The following BCAS3 variants were observed in gnomAD, a reference collection of about 807,000 sequenced individuals.
BCAS3 encodes the protein BCAS4/BCAS3 fusion.
A neutral mutation model predicts 116.1 loss-of-function variants in BCAS3; 53 were observed. The ratio of observed to expected loss-of-function variants is 0.46; its 90% CI spans 0.37 to 0.57. The LOEUF (loss-of-function observed/expected upper bound fraction) is 0.57, where lower values mean the gene tolerates loss of function less well. Among genes scored for constraint, BCAS3 ranks in the 20% least tolerant of loss-of-function variants. The pLI, the probability that BCAS3 is intolerant of heterozygous loss-of-function variation, is 0.00. For synonymous variants in BCAS3, 391 were observed against 408.2 expected (o/e 0.96, Z 0.51); for missense variants, 917 against 1,165.4 (o/e 0.79, Z 3.10).
At chr17:61,086,240 C>G (rs1156844034) in intron 22 of BCAS3, among the ~76,000 whole-genome samples, 1 of 152,170 alleles carries the variant, frequency 6.6e-6, no homozygotes, top group African/African-American at 2.4e-5. Flanking sequence ...AGGCACCTAC[C>G]TGACACCACA....
chr17:61,155,284 G>A (rs1052959440), intron 22 of BCAS3, among the ~76,000 whole-genome samples: 9 of 151,988 alleles, frequency 5.9e-5, no homozygotes, highest in African/African-American at 2.2e-4. Context: ...AAATACTAGT[G>A]GGCCAACGAA....
chr17:61,322,846 G>GAGAGAGAC (rs2055398905), intron 22 of BCAS3, among the ~76,000 whole-genome samples: 1 of 147,858 alleles, frequency 6.8e-6, no homozygotes, highest in Admixed American at 6.7e-5. Flanking sequence ...GAGAGAGAGA[G>GAGAGAGAC]AGAGAGAGAC....
chr17:61,194,423 C>G (rs2080349443), intron 22 of BCAS3, among the ~76,000 whole-genome samples: 1 of 152,220 alleles, frequency 6.6e-6, no homozygotes, highest in Non-Finnish European at 1.5e-5. Flanking sequence ...TTCTAGCCCT[C>G]AAGCTTGTGA....
intron 7 of BCAS3, among the ~76,000 whole-genome samples, chr17:60,859,599 G>A (rs1029537156): frequency 3.4e-5 from 5 of 148,600 alleles, no homozygotes; most frequent in East Asian, 2.0e-4. Flanking sequence ...ATGGAGTCTC[G>A]CTCCTGTCGC....
At position 61,326,234 on chromosome 17, in the gene BCAS3, G is replaced by A. The variant is rs2055718699; in HGVS notation, c.2426-42093G>A. Reference sequence around the variant, plus strand: ...TATGCAGGGAGAGTTTCCCTAAGGAGGTCCCATTTAAGCTTGGCTCTAATG... The same window carrying A: ...TATGCAGGGAGAGTTTCCCTAAGGAAGTCCCATTTAAGCTTGGCTCTAATG... On this transcript the variant is annotated intron_variant, in intron 22 of 23. Coordinates refer to ENST00000407086, the MANE Select transcript of BCAS3 (RefSeq NM_017679.5). The surrounding 1 kb of genome is among the most constrained non-coding windows in gnomAD (Gnocchi z 5.3). Among the ~76,000 whole-genome samples the A allele has an allele frequency of 6.6e-6, 1 of 152,174 alleles. No individual in the cohort carries two copies. The highest frequency in any genetic ancestry group is 6.5e-5 in the Admixed American group (1 of 15,276).
At chr17:61,223,151 C>CTTTTTTTTTTT (rs34499099) in intron 22 of BCAS3, among the ~76,000 whole-genome samples, 1 of 79,064 alleles carries the variant, frequency 1.3e-5, no homozygotes, top group Non-Finnish European at 2.2e-5. Context: ...GATGCAGCGC[C>CTTTTTTTTTTT]TTTTTTTTTT....
rs2079388477 is a variant in BCAS3 at position 61,180,002 on chromosome 17, A to C, written c.2425+95438A>C. On this transcript the variant is annotated intron_variant, in intron 22 of 23. Transcript: ENST00000407086. This position sits in a 1 kb window ranked among gnomAD's most constrained non-coding sequence, Gnocchi z 6.0. ...AATGGAGAGTCCTTTGTATTCTCTGAGCTGTTTCATAAAAATATATCTGCA... is the reference window on the plus strand; with the variant it reads ...AATGGAGAGTCCTTTGTATTCTCTGCGCTGTTTCATAAAAATATATCTGCA... Among the ~76,000 whole-genome samples, 2 of 150,888 alleles carry C rather than the reference A, an allele frequency of 1.3e-5. No homozygotes were observed. The highest frequency in any genetic ancestry group is 4.9e-5 in the African/African-American group (2 of 41,026).
intron 4 of BCAS3, among the ~76,000 whole-genome samples, chr17:60,695,580 A>T (rs1042817022): frequency 3.3e-5 from 5 of 152,130 alleles, no homozygotes; most frequent in African/African-American, 1.2e-4. Context: ...AGGAACCACC[A>T]TACTGTTTTC....
intron 7 of BCAS3, among the ~76,000 whole-genome samples, chr17:60,859,875 C>T (rs568774809): frequency 1.4e-4 from 22 of 152,132 alleles, no homozygotes; most frequent in South Asian, 4.2e-4. Flanking sequence ...GGCCTATGTA[C>T]GACATTTTTA....
intron 22 of BCAS3, among the ~76,000 whole-genome samples, chr17:61,271,589 C>CTGTGTGTGTGTG (rs34693526): frequency 5.3e-4 from 63 of 118,430 alleles, no homozygotes; most frequent in African/African-American, 1.1e-3. Context: ...ACGCCCAGCT[C>CTGTGTGTGTGTG]TGTGTGTGTG....
At chr17:61,103,229 T>C (rs1199249034) in intron 22 of BCAS3, among the ~76,000 whole-genome samples, 1 of 152,166 alleles carries the variant, frequency 6.6e-6, no homozygotes, top group East Asian at 1.9e-4. Context: ...ACTCTTGTAA[T>C]AAATTTGTAT....
intron 14 of BCAS3, among the ~76,000 whole-genome samples, chr17:60,955,074 C>T (rs1032050821): frequency 4.6e-5 from 7 of 152,154 alleles, no homozygotes; most frequent in African/African-American, 1.4e-4. Flanking sequence ...TGGTTGTCTA[C>T]TTGTTTGTCT....
Position 61,378,460 on chromosome 17 carries a change from T to G in BCAS3, c.2593+9966T>G, listed in dbSNP as rs1192601753. 2.0e-5 allele frequency: 3 copies of G among 152,278 alleles called. No individual in the cohort carries two copies. Among genetic ancestry groups the G allele is most frequent in the Non-Finnish European group, 4.4e-5 (3 of 68,070 alleles). 9.4% of individuals were successfully genotyped at this position (152,278 alleles called of 1,614,324 possible). A position where few individuals can be genotyped will look rare whatever the true frequency, so the allele number is the denominator to read the frequency against. On this transcript the variant is annotated intron_variant, in intron 23 of 23. Coordinates refer to ENST00000407086, the MANE Select transcript of BCAS3 (RefSeq NM_017679.5). This position sits in a 1 kb window ranked among gnomAD's most constrained non-coding sequence, Gnocchi z 5.8. ...CAAAGAGTGTATGCTGCCTTTTCCA[T>G]TAACTTGCTCACCAATTCCCTTCGT...
chr17:61,090,263 A>G (rs1471355751), intron 22 of BCAS3, among the ~76,000 whole-genome samples: 1 of 152,210 alleles, frequency 6.6e-6, no homozygotes, highest in Non-Finnish European at 1.5e-5. Flanking sequence ...AAATGATGTG[A>G]TTTTCAATTA....
In BCAS3 at chr17:61,391,933, A is replaced by C; in HGVS notation, c.2594-44A>C. ...GGCCCAGATGGTGCCCCCACTCCCC[A>C]GACCCAACTCTAACCAGGCCTGGCC... is the stretch of plus-strand genomic sequence containing the variant. On this transcript the variant is annotated intron_variant, in intron 23 of 23. Transcript: ENST00000407086. This position sits in a 1 kb window ranked among gnomAD's most constrained non-coding sequence, Gnocchi z 7.7. The C allele has an allele frequency of 6.3e-7, 1 of 1,599,240 alleles. No homozygotes were observed. The highest frequency in any genetic ancestry group is 1.3e-5 in the African/African-American group (1 of 74,770).
intron 7 of BCAS3, among the ~76,000 whole-genome samples, chr17:60,825,544 AATT>A (rs551563145): frequency 1.5e-5 from 2 of 135,964 alleles, no homozygotes; most frequent in South Asian, 2.2e-4. Context: ...ATTTATAAAT[AATT>A]ATTTATAATA....
At position 60,679,500 on chromosome 17, in the gene BCAS3, C is replaced by G. The variant is rs2032650393; in HGVS notation, c.43C>G (p.Arg15Gly). 1 of 1,613,984 alleles carries G rather than the reference C, an allele frequency of 6.2e-7. No homozygotes were observed. The highest frequency in any genetic ancestry group is 1.1e-5 in the South Asian group (1 of 91,034). ...TACAGATTCCCCAAGAAGACCCAGT[C>G]GTTGTACTGGTGGAGTTGTGGTTCG... Reference protein sequence around the residue: ...MATDSPRRPSRCTGGVVVRPQ... With the variant: ...MATDSPRRPSGCTGGVVVRPQ... The change falls in exon 2 of 24, where the codon CGT (arginine) becomes GGT (glycine). Residue 15 changes from arginine to glycine, a missense_variant. Around this residue, in one of 3 missense-constraint regions of BCAS3, gnomAD observed 807 missense variants for 1,026.0 expected, o/e 0.79. Coordinates refer to ENST00000407086, the MANE Select transcript of BCAS3 (RefSeq NM_017679.5).
At chr17:61,164,144 G>A (rs2078342460) in intron 22 of BCAS3, among the ~76,000 whole-genome samples, 1 of 144,784 alleles carries the variant, frequency 6.9e-6, no homozygotes, top group Non-Finnish European at 1.5e-5. Flanking sequence ...AATTTATAAA[G>A]CCCTTAATAG....
rs557329715 is a variant in BCAS3, at chr17:61,377,421, C to G, written c.2593+8927C>G. On this transcript the variant is annotated intron_variant, in intron 23 of 23. Transcript: ENST00000407086. This position sits in a 1 kb window ranked among gnomAD's most constrained non-coding sequence, Gnocchi z 4.6. The stretch of plus-strand genomic sequence containing the variant: ...ATTGCCTATTCCTAGCTATTTTCCA[C>G]TGGCAGGAGAGGCCAAATCTGAGAG... Among the ~76,000 whole-genome samples, 3 of 152,342 alleles carry G rather than the reference C, an allele frequency of 2.0e-5. No individual in the cohort carries two copies. In the East Asian group the frequency reaches 5.8e-4, roughly 29 times the overall value.
Sources: allele counts gnomAD v4.1 joint callset (sites outside exome capture counted in the v4.1 genomes callset), GRCh38; gene constraint gnomAD v4.1.1; regional missense constraint gnomAD v4.1.1; non-coding constraint Gnocchi (gnomAD v3.1); transcripts MANE v1.5; gene names NCBI Gene and HGNC (gene_info 2026-07-23, HGNC 2026-07-21).